Variants in ANAPC10 observed in about 807,000 individuals in gnomAD.
The protein encoded by ANAPC10 is anaphase-promoting complex subunit 10.
ANAPC10 carries 12 observed loss-of-function variants against 22.0 expected under a neutral mutation model. The ratio of observed to expected loss-of-function variants is 0.55; its 90% CI spans 0.35 to 0.88. The LOEUF (loss-of-function observed/expected upper bound fraction) is 0.88. Among genes scored for constraint, ANAPC10 ranks in the 40% least tolerant of loss-of-function variants. The pLI, the probability that ANAPC10 is intolerant of heterozygous loss-of-function variation, is 0.01. For synonymous variants in ANAPC10, 65 were observed against 69.5 expected (o/e 0.94, Z 0.32); for missense variants, 188 against 220.9 (o/e 0.85, Z 0.94).
At chr4:145,055,857 A>G (rs1313591447) in intron 4 of ANAPC10, among the ~76,000 whole-genome samples, 1 of 152,226 alleles carries the variant, frequency 6.6e-6, no homozygotes, top group African/African-American at 2.4e-5. Context: ...AATACCATAT[A>G]TGTAGCACTA....
chr4:144,996,355 C>T (rs1263002675), intron 4 of ANAPC10, among the ~76,000 whole-genome samples: 2 of 152,156 alleles, frequency 1.3e-5, no homozygotes, highest in Admixed American at 6.6e-5. Context: ...CCTGGAGCAA[C>T]CTCAGCTGGG....
At chr4:145,078,802 A>G (rs1351736762) in intron 3 of ANAPC10, among the ~76,000 whole-genome samples, 4 of 152,168 alleles carry the variant, frequency 2.6e-5, no homozygotes, top group African/African-American at 9.6e-5. Context: ...AATAAATTGT[A>G]CAGGGATAAC....
chr4:145,006,384 C>G (rs1055697812), intron 4 of ANAPC10, among the ~76,000 whole-genome samples: 5 of 152,022 alleles, frequency 3.3e-5, no homozygotes, highest in Admixed American at 2.6e-4. Context: ...CTATGGGTAT[C>G]ATTGCATGAG....
chr4:145,054,850 A>T (rs966571576), intron 4 of ANAPC10, among the ~76,000 whole-genome samples: 3 of 151,998 alleles, frequency 2.0e-5, no homozygotes, highest in African/African-American at 7.3e-5. Context: ...CTACCCTCGC[A>T]TCTATTTTAT....
intron 4 of ANAPC10, among the ~76,000 whole-genome samples, chr4:145,043,700 A>G (rs1739860273): frequency 6.6e-6 from 1 of 152,142 alleles, no homozygotes; most frequent in South Asian, 2.1e-4. Context: ...AAAGTAAAAG[A>G]TGTCTTTTAC....
intron 3 of ANAPC10, among the ~76,000 whole-genome samples, chr4:145,078,581 A>G (rs1407089613): frequency 1.3e-5 from 2 of 152,226 alleles, no homozygotes; most frequent in African/African-American, 4.8e-5. Context: ...ATACTAAGCA[A>G]AAAGAACAAA....
At chr4:145,092,614 C>T (rs999256979) in intron 2 of ANAPC10, among the ~76,000 whole-genome samples, 1 of 152,176 alleles carries the variant, frequency 6.6e-6, no homozygotes, top group Non-Finnish European at 1.5e-5. Context: ...TGAATTCACA[C>T]TGACTCTCAG....
At chr4:144,998,789 G>A (rs759590199) in intron 4 of ANAPC10, among the ~76,000 whole-genome samples, 3 of 152,100 alleles carry the variant, frequency 2.0e-5, no homozygotes, top group Admixed American at 6.6e-5. Flanking sequence ...GAAGGAGATA[G>A]AGACACAAAA....
intron 4 of ANAPC10, among the ~76,000 whole-genome samples, chr4:145,063,233 A>T (rs571038436): frequency 1.3e-5 from 2 of 152,202 alleles, no homozygotes; most frequent in Non-Finnish European, 2.9e-5. Flanking sequence ...CATTCTACAA[A>T]GTATATATAT....
intron 4 of ANAPC10, among the ~76,000 whole-genome samples, chr4:145,002,485 A>G (rs1366823731): frequency 6.6e-6 from 1 of 152,192 alleles, no homozygotes; most frequent in African/African-American, 2.4e-5. Context: ...GTTTCTATAC[A>G]GAGAAACTGC....
chr4:145,084,400 G>T (rs1746558995), intron 2 of ANAPC10, among the ~76,000 whole-genome samples: 1 of 152,056 alleles, frequency 6.6e-6, no homozygotes, highest in Admixed American at 6.5e-5. Flanking sequence ...AACAACAGTG[G>T]GTCCTTTGAG....
chr4:145,030,999 T>C (rs1737496165), intron 4 of ANAPC10, among the ~76,000 whole-genome samples: 1 of 152,188 alleles, frequency 6.6e-6, no homozygotes, highest in Admixed American at 6.5e-5. Context: ...GTGGTTTCAT[T>C]GCTTGAGCAT....
intron 4 of ANAPC10, among the ~76,000 whole-genome samples, chr4:145,054,550 C>G (rs1741649604): frequency 7.1e-6 from 1 of 141,146 alleles, no homozygotes; most frequent in Non-Finnish European, 1.5e-5. Flanking sequence ...GAGAGAGACT[C>G]TATCTCAAAA....
At chr4:145,056,942 G>T (rs1414894036) in intron 4 of ANAPC10, among the ~76,000 whole-genome samples, 1 of 151,954 alleles carries the variant, frequency 6.6e-6, no homozygotes, top group African/African-American at 2.4e-5. Context: ...CTTTGCCCTA[G>T]GCTGTTACCA....
At chr4:145,036,621 T>C (rs1738577658) in intron 4 of ANAPC10, among the ~76,000 whole-genome samples, 1 of 152,192 alleles carries the variant, frequency 6.6e-6, no homozygotes, top group Non-Finnish European at 1.5e-5. Flanking sequence ...TAGCTGGTAC[T>C]ATAAGCATAT....
intron 1 of ANAPC10, chr4:145,097,657 T>C (rs1189968191): frequency 3.4e-5 from 21 of 618,304 alleles, no homozygotes; most frequent in East Asian, 6.6e-5. Flanking sequence ...AACAGATGAA[T>C]AGGTTCAGTT....
chr4:145,036,485 T>C (rs1578989165), intron 4 of ANAPC10, among the ~76,000 whole-genome samples: 1 of 152,122 alleles, frequency 6.6e-6, no homozygotes, highest in Non-Finnish European at 1.5e-5. Context: ...GTGAGAAGTA[T>C]GATTGTTGCA....
chr4:145,036,494 C>A (rs1370661649), intron 4 of ANAPC10, among the ~76,000 whole-genome samples: 1 of 152,030 alleles, frequency 6.6e-6, no homozygotes, highest in African/African-American at 2.4e-5. Context: ...ATGATTGTTG[C>A]AAGTGCTACT....
chr4:145,079,019 T>C (rs559788940), intron 3 of ANAPC10, among the ~76,000 whole-genome samples: 1 of 152,092 alleles, frequency 6.6e-6, no homozygotes, highest in East Asian at 1.9e-4. Flanking sequence ...AAAACAAAAA[T>C]GTAAATTGAC....
Sources: gnomAD v4.1 joint callset for allele counts (sites outside exome capture counted in the v4.1 genomes callset) on GRCh38, gnomAD v4.1.1 for gene constraint, MANE v1.5 for transcripts, NCBI Gene and HGNC (gene_info 2026-07-23, HGNC 2026-07-21) for gene names.